The following MYH2 variants were observed in gnomAD, a reference collection of about 807,000 sequenced individuals.
The protein encoded by MYH2 is myosin-2.
A neutral mutation model predicts 228.1 loss-of-function variants in MYH2; 139 were observed. That is an observed-to-expected ratio of 0.61 (90% CI 0.53 to 0.70). The LOEUF (loss-of-function observed/expected upper bound fraction) is 0.70, where lower values mean the gene tolerates loss of function less well. Among genes scored for constraint, MYH2 ranks in the 30% least tolerant of loss-of-function variants. The pLI, the probability that MYH2 is intolerant of heterozygous loss-of-function variation, is 0.00. For synonymous variants in MYH2, 796 were observed against 871.1 expected (o/e 0.91, Z 1.52); for missense variants, 1,809 against 2,357.5 (o/e 0.77, Z 4.82).
In MYH2 at chr17:10,537,251, C is replaced by A. The variant is rs778516827; in HGVS notation, c.1879G>T (p.Ala627Ser). The A allele has an allele frequency of 1.7e-5, 27 of 1,614,078 alleles. No individual in the cohort carries two copies. The highest frequency in any genetic ancestry group is 2.3e-5 in the Non-Finnish European group (27 of 1,180,038). ...GCATTACCTCCTTCAGCAGTTTGAG[C>A]CCCAGAGAAGAGCTGAGCTAGAGTT... ...MKTLAQLFSG[A>S]QTAEGEGAGG... Residue 627 changes from alanine (A) to serine (S), a missense_variant, in exon 16 of 40, where the codon GCT becomes TCT. Around this residue, in one of 9 missense-constraint regions of MYH2, gnomAD observed 276 missense variants for 344.2 expected, o/e 0.80. Coordinates refer to ENST00000245503, the MANE Select transcript of MYH2 (RefSeq NM_017534.6). This position sits in a 1 kb window ranked among gnomAD's most constrained non-coding sequence, Gnocchi z 4.0.
In MYH2 at chr17:10,529,599, T is replaced by G; in HGVS notation, c.3082A>C (p.Lys1028Gln). ...TGTTGTTCAAGTTTGATTTTAGCTT[T>G]GGTCAGGGTGTTGACTTTGTCCTCC... ...AEEDKVNTLT[K>Q]AKIKLEQQVD... is the part of the protein sequence containing the mutation. The change falls in exon 24 of 40, where the codon AAA becomes CAA. Residue 1028 changes from lysine to glutamine, a missense_variant. By Grantham distance (53) the Lys-to-Gln change is moderately conservative (BLOSUM62 1). Transcript: ENST00000245503. 1 of 1,614,184 alleles carries G rather than the reference T, an allele frequency of 6.2e-7. No individual in the cohort carries two copies. Among genetic ancestry groups the G allele is most frequent in the Non-Finnish European group, 8.5e-7 (1 of 1,180,036 alleles).
Position 10,537,771 on chromosome 17 carries a change from T to C in MYH2, c.1481A>G (p.His494Arg). ...CTCCTGCTCCAGCACGAACATGTGG[T>C]GGTTGAAAAACTGTTGCAGTTTCTC... is the stretch of plus-strand genomic sequence containing the variant. ...TNEKLQQFFNHHMFVLEQEEY... is the reference protein window; with the variant it reads ...TNEKLQQFFNRHMFVLEQEEY... Residue 494 changes from histidine (H) to arginine (R), a missense_variant, in exon 15 of 40, where the codon CAC becomes CGC. Transcript: ENST00000245503. This position sits in a 1 kb window ranked among gnomAD's most constrained non-coding sequence, Gnocchi z 4.0. 6.2e-7 allele frequency: 1 copy of C among 1,614,166 alleles called. No homozygotes were observed. The highest frequency in any genetic ancestry group is 1.1e-5 in the South Asian group (1 of 91,078).
intron 5 of MYH2, among the ~76,000 whole-genome samples, chr17:10,545,011 A>ATGTGTGTG (rs774125221): frequency 4.4e-4 from 49 of 112,104 alleles, no homozygotes; most frequent in African/African-American, 1.4e-3. Flanking sequence ...TTGTGCGTGC[A>ATGTGTGTG]TGAGTGTGTG....
At chr17:10,530,222 C>T (rs2073409239) in intron 22 of MYH2, 148 bp from the exon 23 acceptor site, 2 of 1,336,352 alleles carry the variant, frequency 1.5e-6, no homozygotes, top group East Asian at 2.4e-5. Flanking sequence ...AACCACCCTA[C>T]TGTGTACATT....
chr17:10,537,607 A>C lies in MYH2; in HGVS notation c.1587+58T>G, dbSNP rs779408810. ...TTTTTTCTGTCTATAGAATTAAAAT[A>C]AAAAGCAGCGAATAATATAGTTGCC... On this transcript the variant is annotated intron_variant, in intron 15 of 39. Transcript: ENST00000245503. This position sits in a 1 kb window ranked among gnomAD's most constrained non-coding sequence, Gnocchi z 4.0. The C allele has an allele frequency of 4.3e-6, 7 of 1,614,234 alleles. No individual in the cohort carries two copies. The East Asian group carries it at 1.3e-4, about 31-fold the overall frequency.
rs1318794021 is a variant in MYH2 at position 10,523,303 on chromosome 17, T to C, written c.5577+5A>G. ...TGCTTAGCCGCTAAAAACTACTGGC[T>C]GTACCTGGTAAGTGAGTTCCTTCAC... On this transcript the variant is annotated splice_donor_5th_base_variant and intron_variant, in intron 38 of 39. Transcript: ENST00000245503. The C allele has an allele frequency of 2.5e-6, 4 of 1,614,216 alleles. No individual in the cohort carries two copies. The highest frequency in any genetic ancestry group is 1.7e-5 in the Admixed American group (1 of 60,030).
In MYH2 at chr17:10,545,479, G is replaced by A; in HGVS notation, c.372C>T (p.Val124=). The A allele has an allele frequency of 1.2e-6, 2 of 1,614,200 alleles. No homozygotes were observed. The highest frequency in any genetic ancestry group is 1.7e-6 in the Non-Finnish European group (2 of 1,180,026). ...MIYTYSGLFC[V]TVNPYKWLPV... ...GCAGCCACTTGTAGGGGTTGACAGT[G>A]ACACAGAAGAGACCTGAATAGGTCT... Residue 124 remains valine (V), a synonymous_variant, in exon 5 of 40, where the codon GTC becomes GTT. Transcript: ENST00000245503.
rs2073303790 is a variant in MYH2 at position 10,523,097 on chromosome 17, T to A, written c.5666A>T (p.Glu1889Val). 4 of 1,609,898 alleles carry A rather than the reference T, an allele frequency of 2.5e-6. No homozygotes were observed. Among genetic ancestry groups the A allele is most frequent in the Non-Finnish European group, 3.4e-6 (4 of 1,176,124 alleles). The change falls in exon 39 of 40, where the codon GAG (glutamate) becomes GTG (valine). Residue 1889 changes from glutamate (E) to valine (V), a missense_variant. By Grantham distance (121) the Glu-to-Val change is moderately radical. Transcript: ENST00000245503. Reference sequence around the variant, plus strand: ...AATCTTAAAAATACTTACAGCCTCCTCAGCTTGTCTCTTATAAGATTTCAC... The same window carrying A: ...AATCTTAAAAATACTTACAGCCTCCACAGCTTGTCTCTTATAAGATTTCAC... ...AKVKSYKRQAEEAEEQSNTNL... is the reference protein window; with the variant it reads ...AKVKSYKRQAVEAEEQSNTNL...
intron 4 of MYH2, 97 bp from the exon 5 acceptor site, chr17:10,545,599 C>T: frequency 6.6e-7 from 1 of 1,515,464 alleles, no homozygotes; most frequent in South Asian, 1.2e-5. Flanking sequence ...GGGTCTTGCT[C>T]TGTCACCCAG....
intron 4 of MYH2, among the ~76,000 whole-genome samples, chr17:10,546,795 G>A (rs1243483462): frequency 8.6e-5 from 13 of 151,112 alleles, no homozygotes; most frequent in Non-Finnish European, 1.5e-5. Context: ...AAAAAAAAAT[G>A]TAGGCCAGGC....
chr17:10,530,556 A>T (rs1178056271), intron 22 of MYH2, among the ~76,000 whole-genome samples: 1 of 151,248 alleles, frequency 6.6e-6, no homozygotes, highest in African/African-American at 2.4e-5. Flanking sequence ...GTAGTACTGG[A>T]GGATGCTCCT....
chr17:10,539,121 G>T (rs2073519196), intron 14 of MYH2, 84 bp downstream of exon 14: 4 of 1,608,748 alleles, frequency 2.5e-6, no homozygotes, highest in Non-Finnish European at 3.4e-6. Context: ...GGTAAGAAAA[G>T]GTCATAGTCT....
intron 10 of MYH2, among the ~76,000 whole-genome samples, chr17:10,541,353 A>G (rs1597456501): frequency 1.3e-5 from 2 of 151,570 alleles, no homozygotes; most frequent in Non-Finnish European, 2.9e-5. Context: ...CTGCTCTGGG[A>G]ATGTTGTCTT....
chr17:10,526,987 A>G lies in MYH2; in HGVS notation c.3941T>C (p.Phe1314Ser), dbSNP rs766227489. Reference protein sequence around the residue: ...VSQLSRGKQAFTQQIEELKRQ... With the variant: ...VSQLSRGKQASTQQIEELKRQ... ...CTTTAATTCTTCAATCTGTTGAGTAAAGGCTTGTTTGCCTCTTGATAACTG... is the reference window on the plus strand; with the variant it reads ...CTTTAATTCTTCAATCTGTTGAGTAGAGGCTTGTTTGCCTCTTGATAACTG... Residue 1314 changes from phenylalanine (F) to serine (S), a missense_variant, in exon 29 of 40, where the codon TTT becomes TCT. This residue lies in a region of MYH2 where 636 missense variants were observed against 729.9 expected (regional missense o/e 0.87). Transcript: ENST00000245503. 6.2e-7 allele frequency: 1 copy of G among 1,614,054 alleles called. No individual in the cohort carries two copies. Among genetic ancestry groups the G allele is most frequent in the East Asian group, 2.2e-5 (1 of 44,888 alleles).
In MYH2 at chr17:10,533,402, A is replaced by G; in HGVS notation, c.2324T>C (p.Leu775Pro). Reference sequence around the variant, plus strand: ...TCGCATCTCCTCTAGGAGCCCCAGAAGACCAGCTTTGAAAAAGACCTGTGA... The same window carrying G: ...TCGCATCTCCTCTAGGAGCCCCAGAGGACCAGCTTTGAAAAAGACCTGTGA... Reference protein sequence around the residue: ...GHTKVFFKAGLLGLLEEMRDD... With the variant: ...GHTKVFFKAGPLGLLEEMRDD... The change falls in exon 21 of 40, where the codon CTT becomes CCT. Residue 775 changes from leucine (L) to proline (P), a missense_variant. Physicochemically the swap from Leu to Pro is moderately conservative, Grantham distance 98. Transcript: ENST00000245503. 6.2e-7 allele frequency: 1 copy of G among 1,614,212 alleles called. No homozygotes were observed. The highest frequency in any genetic ancestry group is 8.5e-7 in the Non-Finnish European group (1 of 1,180,042).
rs189202067 is a variant in MYH2, at chr17:10,531,858, G to A, written c.2472C>T (p.Ile824=). The part of the protein sequence containing the change: ...REAIFCIQYN[I]RSFMNVKHWP... Reference sequence around the variant, plus strand: ...AGTGCTTGACATTCATGAAGGATCTGATATTGTACTGGATACAGAAGATGG... The same window carrying A: ...AGTGCTTGACATTCATGAAGGATCTAATATTGTACTGGATACAGAAGATGG... The change falls in exon 22 of 40, where the codon ATC becomes ATT. Residue 824 remains isoleucine (I), a synonymous_variant. Coordinates refer to ENST00000245503, the MANE Select transcript of MYH2 (RefSeq NM_017534.6). 7 of 1,614,090 alleles carry A rather than the reference G, an allele frequency of 4.3e-6. No homozygotes were observed. Among genetic ancestry groups the A allele is most frequent in the Non-Finnish European group, 4.2e-6 (5 of 1,179,982 alleles).
In MYH2 at chr17:10,539,223, A is replaced by G; in HGVS notation, c.1398T>C (p.Ala466=). Residue 466 remains alanine, a synonymous_variant, in exon 14 of 40, where the codon GCT becomes GCC. Coordinates refer to ENST00000245503, the MANE Select transcript of MYH2 (RefSeq NM_017534.6). The part of the protein sequence containing the change: ...RQYFIGVLDI[A]GFEIFDFNSL... ...AACTCACATCAAAAATCTCAAAACC[A>G]GCAATGTCCAAGACCCCGATGAAGT... is the stretch of plus-strand genomic sequence containing the variant. 1 of 1,614,194 alleles carries G rather than the reference A, an allele frequency of 6.2e-7. No individual in the cohort carries two copies.
At chr17:10,543,257 C>A in intron 8 of MYH2, 96 bp from the exon 9 acceptor site, 1 of 937,404 alleles carries the variant, frequency 1.1e-6, no homozygotes, top group South Asian at 1.6e-5. Context: ...AATATTAAAT[C>A]AATTCAGAGA....
In MYH2 at chr17:10,533,420, A is replaced by G. The variant is rs199951276; in HGVS notation, c.2306T>C (p.Val769Ala). 1.1e-5 allele frequency: 18 copies of G among 1,614,202 alleles called. No homozygotes were observed. The East Asian group carries it at 3.6e-4, about 32-fold the overall frequency. The change falls in exon 21 of 40, where the codon GTC becomes GCC. Residue 769 changes from valine (V) to alanine (A), a missense_variant and splice_region_variant. Transcript: ENST00000245503. Reference sequence around the variant, plus strand: ...CCCCAGAAGACCAGCTTTGAAAAAGACCTGTGAATGGAAAGAGTTGCAAAT... The same window carrying G: ...CCCCAGAAGACCAGCTTTGAAAAAGGCCTGTGAATGGAAAGAGTTGCAAAT... Reference protein sequence around the residue: ...HTQYKFGHTKVFFKAGLLGLL... With the variant: ...HTQYKFGHTKAFFKAGLLGLL...
Sources: allele counts gnomAD v4.1 joint callset (sites outside exome capture counted in the v4.1 genomes callset), GRCh38; gene constraint gnomAD v4.1.1; regional missense constraint gnomAD v4.1.1; non-coding constraint Gnocchi (gnomAD v3.1); transcripts MANE v1.5; gene names NCBI Gene and HGNC (gene_info 2026-07-23, HGNC 2026-07-21).